The following NTRK3 variants were observed in gnomAD, a reference collection of about 807,000 sequenced individuals.
NTRK3 encodes neurotrophic receptor tyrosine kinase 3.
A neutral mutation model predicts 91.7 loss-of-function variants in NTRK3; 24 were observed. The ratio of observed to expected loss-of-function variants is 0.26; its 90% CI spans 0.19 to 0.37. The LOEUF (loss-of-function observed/expected upper bound fraction) is 0.37, where lower values mean the gene tolerates loss of function less well. Ranked by LOEUF, NTRK3 falls within the 10% of genes least tolerant of loss-of-function variation. NTRK3 has a pLI of 1.00. For missense variants in NTRK3, 880 were observed against 1,068.9 expected (o/e 0.82, Z 2.46); for synonymous variants, 483 against 404.0 (o/e 1.20, Z -2.34).
chr15:88,052,219 G>A (rs1024149654), intron 13 of NTRK3, among the ~76,000 whole-genome samples: 1 of 151,666 alleles, frequency 6.6e-6, no homozygotes, highest in African/African-American at 2.4e-5. Context: ...TAGGACAGGA[G>A]GTAGCCTGCA....
chr15:88,067,371 T>C (rs2046742652), intron 13 of NTRK3, among the ~76,000 whole-genome samples: 1 of 152,252 alleles, frequency 6.6e-6, no homozygotes, highest in African/African-American at 2.4e-5. Flanking sequence ...TTAGATAGAA[T>C]ATCTACCATC....
At chr15:87,864,013 A>ACACG (rs2064597360) in exon 19 of NTRK3, 1 of 232,908 alleles carries the variant, frequency 4.3e-6, no homozygotes, top group African/African-American at 2.2e-5. Context: ...ACACACACAC[A>ACACG]CACACACAGA....
intron 14 of NTRK3, among the ~76,000 whole-genome samples, chr15:87,993,625 G>A (rs753078977): frequency 6.6e-6 from 1 of 152,078 alleles, no homozygotes; most frequent in East Asian, 1.9e-4. Flanking sequence ...TCCCCCAAAG[G>A]CCTAGAAAAA....
chr15:87,905,729 C>A (rs1443854312), intron 17 of NTRK3, among the ~76,000 whole-genome samples: 1 of 152,166 alleles, frequency 6.6e-6, no homozygotes, highest in Non-Finnish European at 1.5e-5. Context: ...TTCTCCCCAC[C>A]TCTATTATCT....
chr15:88,060,320 G>T (rs988810471), intron 13 of NTRK3, among the ~76,000 whole-genome samples: 13 of 151,060 alleles, frequency 8.6e-5, no homozygotes, highest in African/African-American at 3.2e-4. Flanking sequence ...GGAGGTGGAG[G>T]TCGCAGTGAT....
chr15:87,899,953 T>C (rs2066352087), intron 17 of NTRK3, among the ~76,000 whole-genome samples: 1 of 152,176 alleles, frequency 6.6e-6, no homozygotes, highest in African/African-American at 2.4e-5. Flanking sequence ...GAATGTACTC[T>C]TCATCCAATG....
intron 5 of NTRK3, among the ~76,000 whole-genome samples, chr15:88,181,041 G>C (rs957401055): frequency 1.3e-5 from 2 of 152,144 alleles, no homozygotes; most frequent in African/African-American, 4.8e-5. Flanking sequence ...ACTTGACTGG[G>C]TGCTGACTTT....
intron 17 of NTRK3, 132 bp downstream of exon 17, chr15:87,929,059 G>C: frequency 7.4e-7 from 1 of 1,349,680 alleles, no homozygotes; most frequent in Non-Finnish European, 1.1e-6. Flanking sequence ...AAAGATAACT[G>C]TTGAGTGCAT....
At chr15:87,876,782 T>C (rs1459027023) in exon 19 of NTRK3, 7 of 758,396 alleles carry the variant, frequency 9.2e-6, no homozygotes, top group African/African-American at 7.2e-5. Context: ...TCTTTTTTTT[T>C]CCTTTTTTCA....
At chr15:88,195,095 G>T (rs1213280739) in intron 3 of NTRK3, among the ~76,000 whole-genome samples, 3 of 152,214 alleles carry the variant, frequency 2.0e-5, no homozygotes, top group Admixed American at 6.5e-5. Context: ...TATTGGGGCG[G>T]TGCCACTGGT....
chr15:88,199,579 A>G (rs56756343), intron 3 of NTRK3, among the ~76,000 whole-genome samples: 11,829 of 152,228 alleles, frequency 0.078, 1,062 homozygotes, highest in African/African-American at 0.22. Context: ...GGAGTCCCAT[A>G]GTGGGGCAGG....
intron 6 of NTRK3, 95 bp downstream of exon 6, chr15:88,147,240 G>T: frequency 1.7e-6 from 2 of 1,157,254 alleles, no homozygotes; most frequent in Non-Finnish European, 2.6e-6. Context: ...GTAGATGTAT[G>T]CTCAGCCTTC....
At chr15:87,863,661 C>A (rs535834631) in exon 19 of NTRK3, 2 of 224,238 alleles carry the variant, frequency 8.9e-6, no homozygotes, top group Non-Finnish European at 8.9e-6. Context: ...TATTCATGAA[C>A]CTTAAAACCT....
At chr15:87,871,122 C>T (rs1014329022) in exon 19 of NTRK3, 6 of 230,932 alleles carry the variant, frequency 2.6e-5, no homozygotes, top group South Asian at 1.8e-4. Flanking sequence ...ATTCCAAGTA[C>T]TTTGAAGGAA....
chr15:87,859,889 C>T (rs560245572), exon 19 of NTRK3: 1 of 183,474 alleles, frequency 5.5e-6, no homozygotes, highest in Non-Finnish European at 1.2e-5. Context: ...GAAAGACAGA[C>T]ATATGACCAA....
chr15:87,978,946 G>A (rs544767528), intron 14 of NTRK3: 1 of 342,026 alleles, frequency 2.9e-6, no homozygotes, highest in South Asian at 4.6e-5. Context: ...CTTCCAAGCA[G>A]GGAAAGTGAG....
At chr15:88,023,837 AAG>A (rs2077794394) in intron 14 of NTRK3, among the ~76,000 whole-genome samples, 1 of 152,190 alleles carries the variant, frequency 6.6e-6, no homozygotes, top group South Asian at 2.1e-4. Context: ...AAGAACTAGA[AAG>A]ACTTTTTCTG....
chr15:88,196,067 C>A (rs2047790079), intron 3 of NTRK3, among the ~76,000 whole-genome samples: 1 of 152,202 alleles, frequency 6.6e-6, no homozygotes, highest in South Asian at 2.1e-4. Flanking sequence ...AGCTCAAGTG[C>A]ATTGCATAAA....
intron 13 of NTRK3, among the ~76,000 whole-genome samples, chr15:88,057,372 C>T (rs577159178): frequency 6.6e-6 from 1 of 151,786 alleles, no homozygotes; most frequent in African/African-American, 2.4e-5. Context: ...GTGGCAGGTG[C>T]CTGTAATCCC....
Sources: allele counts gnomAD v4.1 joint callset (sites outside exome capture counted in the v4.1 genomes callset), GRCh38; gene constraint gnomAD v4.1.1; transcripts MANE v1.5; gene names NCBI Gene and HGNC (gene_info 2026-07-23, HGNC 2026-07-21).